The following ANKFN1 variants were observed in gnomAD, a reference collection of about 807,000 sequenced individuals.
ANKFN1 encodes ankyrin repeat and fibronectin type-III domain-containing protein 1.
Under a neutral mutation model 108.7 loss-of-function variants are expected in ANKFN1, and 74 were observed. That is an observed-to-expected ratio of 0.68 (90% CI 0.56 to 0.83). The LOEUF is 0.83. Ranked by LOEUF, ANKFN1 falls within the 40% of genes least tolerant of loss-of-function variation. ANKFN1 has a pLI of 0.00. For missense variants in ANKFN1, 1,505 were observed against 1,382.3 expected (o/e 1.09, Z -1.41); for synonymous variants, 547 against 516.2 (o/e 1.06, Z -0.81).
intron 15 of ANKFN1, chr17:56,471,702 T>C (rs984880234): frequency 1.3e-5 from 2 of 152,244 alleles, no homozygotes; most frequent in Non-Finnish European, 2.9e-5. Flanking sequence ...GGAATATTAT[T>C]CAGCCATTAA....
At chr17:56,227,815 TC>T in intron 2 of ANKFN1, 101 bp from the exon 3 acceptor site, 2 of 896,022 alleles carry the variant, frequency 2.2e-6, no homozygotes, top group Non-Finnish European at 3.4e-6. Context: ...GGCTTCTCTC[TC>T]TTTTTTTTTT....
At chr17:56,105,707 T>TTTGTC (rs1325061144) in intron 4 of ANKFN1, among the ~76,000 whole-genome samples, 7 of 76,324 alleles carry the variant, frequency 9.2e-5, no homozygotes, top group African/African-American at 5.4e-4. Flanking sequence ...GGGGGTTTTT[T>TTTGTC]TGTCTGTGTG....
Position 56,154,123 on chromosome 17 carries a change from C to T in ANKFN1, c.-71+593C>T, listed in dbSNP as rs575436059. Among the ~76,000 whole-genome samples, 22 of 151,940 alleles carry T rather than the reference C, an allele frequency of 1.4e-4. No homozygotes were observed. The South Asian group carries it at 3.1e-3, about 22-fold the overall frequency. The stretch of plus-strand genomic sequence containing the variant: ...CACATACTAACCCTGTGGGTTGTGT[C>T]GGTGGTATCGGAATCCCTGTTACTG... On this transcript the variant is annotated intron_variant, in intron 1 of 20. Transcript: ENST00000682825.
chr17:56,053,873 A>T (rs1904819774), intron 4 of ANKFN1, among the ~76,000 whole-genome samples: 1 of 152,178 alleles, frequency 6.6e-6, no homozygotes, highest in South Asian at 2.1e-4. Flanking sequence ...TTTTTTAAAA[A>T]AATTATTTCA....
intron 4 of ANKFN1, among the ~76,000 whole-genome samples, chr17:56,073,461 A>C (rs1905144749): frequency 6.6e-6 from 1 of 152,180 alleles, no homozygotes; most frequent in Admixed American, 6.5e-5. Flanking sequence ...GTTCATCTTT[A>C]TATTTTATGC....
intron 4 of ANKFN1, among the ~76,000 whole-genome samples, chr17:56,326,929 A>G (rs2045532322): frequency 6.6e-6 from 1 of 152,208 alleles, no homozygotes. Context: ...CAAGGGAATC[A>G]ATGGACATGT....
chr17:56,069,387 C>A (rs997342715), intron 4 of ANKFN1, among the ~76,000 whole-genome samples: 1 of 152,166 alleles, frequency 6.6e-6, no homozygotes, highest in Non-Finnish European at 1.5e-5. Flanking sequence ...GAGACTGGAC[C>A]TTGACCATGA....
intron 5 of ANKFN1, among the ~76,000 whole-genome samples, chr17:56,353,084 G>A (rs1256815067): frequency 1.3e-5 from 2 of 152,202 alleles, no homozygotes; most frequent in African/African-American, 4.8e-5. Flanking sequence ...CACTATTCCA[G>A]GAGTAGTCAA....
intron 11 of ANKFN1, among the ~76,000 whole-genome samples, chr17:56,451,604 G>A (rs532630417): frequency 2.0e-5 from 3 of 152,236 alleles, no homozygotes; most frequent in East Asian, 1.9e-4. Flanking sequence ...GTATTATTGG[G>A]AAGAGGATTT....
intron 3 of ANKFN1, among the ~76,000 whole-genome samples, chr17:56,273,545 C>T (rs1361536002): frequency 1.3e-5 from 2 of 152,074 alleles, no homozygotes; most frequent in Non-Finnish European, 2.9e-5. Flanking sequence ...ATTACAGACA[C>T]TCACCAGATA....
chr17:56,452,767 A>G (rs1334749451), intron 11 of ANKFN1, among the ~76,000 whole-genome samples: 4 of 152,074 alleles, frequency 2.6e-5, no homozygotes, highest in Admixed American at 1.3e-4. Flanking sequence ...TTTTATTTTT[A>G]GTCTGACTTT....
chr17:56,363,163 G>T (rs2046569432), intron 6 of ANKFN1, among the ~76,000 whole-genome samples: 1 of 152,134 alleles, frequency 6.6e-6, no homozygotes, highest in South Asian at 2.1e-4. Flanking sequence ...GGCACAGGTT[G>T]CAATGGGCCG....
chr17:56,151,616 C>T (rs553174473), upstream of ANKFN1, among the ~76,000 whole-genome samples: 4 of 152,202 alleles, frequency 2.6e-5, no homozygotes, highest in Admixed American at 2.0e-4. Flanking sequence ...GAAATAAGCA[C>T]GTACCATGCA....
intron 4 of ANKFN1, among the ~76,000 whole-genome samples, chr17:56,115,322 T>A (rs144613439): frequency 3.3e-5 from 5 of 152,290 alleles, no homozygotes; most frequent in Non-Finnish European, 7.4e-5. Context: ...AATGGGATAG[T>A]AAGCAGATGT....
chr17:56,308,867 C>T (rs2044924540), intron 3 of ANKFN1, among the ~76,000 whole-genome samples: 1 of 152,136 alleles, frequency 6.6e-6, no homozygotes, highest in Non-Finnish European at 1.5e-5. Flanking sequence ...TGGTGAATTA[C>T]ATTGATTGGT....
chr17:56,203,263 A>T (rs1567835051), intron 1 of ANKFN1, among the ~76,000 whole-genome samples: 1 of 152,198 alleles, frequency 6.6e-6, no homozygotes, highest in African/African-American at 2.4e-5. Flanking sequence ...CATACATCTT[A>T]GGCCTTTTCA....
At chr17:56,381,937 G>A (rs572022533) in intron 8 of ANKFN1, among the ~76,000 whole-genome samples, 15 of 151,756 alleles carry the variant, frequency 9.9e-5, no homozygotes, top group Middle Eastern at 3.4e-3. Context: ...TACAGAGAAC[G>A]CCACAAAGAT....
At chr17:56,169,503 C>T (rs2143554076) in intron 1 of ANKFN1, among the ~76,000 whole-genome samples, 1 of 152,252 alleles carries the variant, frequency 6.6e-6, no homozygotes, top group East Asian at 1.9e-4. Context: ...CTTTTGGCCT[C>T]AAGTGATCCT....
intron 3 of ANKFN1, among the ~76,000 whole-genome samples, chr17:56,260,271 A>G (rs1414083492): frequency 2.0e-5 from 3 of 152,254 alleles, no homozygotes; most frequent in Non-Finnish European, 4.4e-5. Context: ...TTAAGTGTAA[A>G]TGAATCAGAG....
Sources: gnomAD v4.1 joint callset for allele counts (sites outside exome capture counted in the v4.1 genomes callset) on GRCh38, gnomAD v4.1.1 for gene constraint, MANE v1.5 for transcripts, NCBI Gene and HGNC (gene_info 2026-07-23, HGNC 2026-07-21) for gene names.